Variants in NOTCH3 observed in about 807,000 individuals in gnomAD.
NOTCH3 encodes notch receptor 3.
In NOTCH3, 86 loss-of-function variants were observed where a neutral mutation model predicts 213.3. That is an observed-to-expected ratio of 0.40 (90% CI 0.34 to 0.48). The LOEUF (loss-of-function observed/expected upper bound fraction) is 0.48. Among genes scored for constraint, NOTCH3 ranks in the 20% least tolerant of loss-of-function variants. The probability of loss-of-function intolerance (pLI) is 0.57; values close to 1 mark genes in which losing one functional copy is unlikely to be tolerated. For missense variants in NOTCH3, 2,783 were observed against 3,272.6 expected, an observed-to-expected ratio of 0.85 and a Z score of 3.65; for synonymous variants, 1,354 against 1,355.9, an observed-to-expected ratio of 1.00 and a Z score of 0.03.
chr19:15,169,031 A>G (rs1676065743), intron 28 of NOTCH3, among the ~76,000 whole-genome samples: 1 of 151,828 alleles, frequency 6.6e-6, no homozygotes, highest in Admixed American at 6.6e-5. Flanking sequence ...CTCCTGCCTC[A>G]GCCTCCCAAG....
At chr19:15,180,377 A>C (rs1450563919) in intron 19 of NOTCH3, 121 bp from the exon 20 acceptor site, 3 of 1,137,740 alleles carry the variant, frequency 2.6e-6, no homozygotes, top group Non-Finnish European at 2.6e-6. Context: ...CCCACACTCC[A>C]TCAGGTTGTC....
chr19:15,175,447 T>C (rs1048952221), intron 24 of NOTCH3, among the ~76,000 whole-genome samples: 8 of 144,376 alleles, frequency 5.5e-5, no homozygotes, highest in Admixed American at 4.3e-4. Flanking sequence ...GGCAGGAGAA[T>C]AGCTTGAACC....
At chr19:15,187,476 AC>A (rs1302481169) in intron 10 of NOTCH3, 138 bp from the exon 11 acceptor site, 9 of 450,584 alleles carry the variant, frequency 2.0e-5, no homozygotes, top group African/African-American at 8.9e-5. Context: ...TACAGGCCCC[AC>A]CCCCCACCCC....
At chr19:15,188,475 TC>T in intron 8 of NOTCH3, 127 bp from the exon 9 acceptor site, 1 of 713,782 alleles carries the variant, frequency 1.4e-6, no homozygotes. Flanking sequence ...ACCTCTACAC[TC>T]CCAGCCCAAC....
rs761372852 is a variant in NOTCH3, at chr19:15,177,539, G to GCGGCCA, written c.4383_4388dup (p.Gly1462_Arg1463dup). The GCGGCCA allele has an allele frequency of 4.3e-6, 7 of 1,609,836 alleles. No homozygotes were observed. The highest frequency in any genetic ancestry group is 5.9e-6 in the Non-Finnish European group (7 of 1,178,708). The stretch of plus-strand genomic sequence containing the variant: ...GATGGGCTCACTTGCAAGTGCGCTC[G>GCGGCCA]CGGCCACCGGCGTGGCAGTCGAAGT... On this transcript the variant is annotated inframe_insertion, in exon 24 of 33. Coordinates refer to ENST00000263388, the MANE Select transcript of NOTCH3 (RefSeq NM_000435.3).
Position 15,181,265 on chromosome 19 carries a change from G to A in NOTCH3, c.2793-103C>T. On this transcript the variant is annotated intron_variant, in intron 17 of 32. Coordinates refer to ENST00000263388, the MANE Select transcript of NOTCH3 (RefSeq NM_000435.3). ...TAGCGCTGGGGACGTCCCACTCCCT[G>A]ACCCTTATCTCGGCAAGAAGCTGCA... 2.8e-6 allele frequency: 3 copies of A among 1,077,152 alleles called. No homozygotes were observed. In the South Asian group the frequency reaches 4.0e-5, roughly 15 times the overall value. The allele number at this position is 1,077,152 out of a possible 1,614,324, so 66.7% of individuals were successfully genotyped here.
chr19:15,177,922 T>C lies in NOTCH3; in HGVS notation c.4006A>G (p.Asn1336Asp). Residue 1336 changes from asparagine (N) to aspartate (D), a missense_variant, in exon 24 of 33, where the codon AAC becomes GAC. By Grantham distance (23) the Asn-to-Asp change is conservative. Coordinates refer to ENST00000263388, the MANE Select transcript of NOTCH3 (RefSeq NM_000435.3). ...CAGGGGGCGGCCGCGCAGCTGGCGT[T>C]GCTGGCCCCCGGCGGCGACCCCGGG... ...SFPGSPPGAS[N>D]ASCAAAPCLH... 1 of 1,285,418 alleles carries C rather than the reference T, an allele frequency of 7.8e-7. No individual in the cohort carries two copies. Among genetic ancestry groups the C allele is most frequent in the Non-Finnish European group, 9.8e-7 (1 of 1,019,580 alleles). 79.6% of individuals were successfully genotyped at this position (1,285,418 alleles called of 1,614,324 possible). A position where few individuals can be genotyped will look rare whatever the true frequency, so the allele number is the denominator to read the frequency against.
At chr19:15,180,639 C>T (rs1398584466) in intron 19 of NOTCH3, 42 bp downstream of exon 19, 2 of 1,540,982 alleles carry the variant, frequency 1.3e-6, no homozygotes, top group African/African-American at 1.4e-5. Flanking sequence ...GCATGAGCCC[C>T]TTCCCAAGGC....
intron 16 of NOTCH3, 79 bp downstream of exon 16, chr19:15,184,216 G>A (rs2145427425): frequency 2.2e-6 from 3 of 1,366,240 alleles, no homozygotes; most frequent in East Asian, 4.6e-5. Flanking sequence ...TGAAATGACA[G>A]CACAGTGCCA....
At position 15,177,546 on chromosome 19, in the gene NOTCH3, C is replaced by CCGGCGTGGCAGTCGAAGTTGT. The variant is rs1274294272; in HGVS notation, c.4361_4381dup (p.Asp1454_Ala1460dup). 2.5e-6 allele frequency: 4 copies of CCGGCGTGGCAGTCGAAGTTGT among 1,610,278 alleles called. No homozygotes were observed. Among genetic ancestry groups the CCGGCGTGGCAGTCGAAGTTGT allele is most frequent in the Non-Finnish European group, 3.4e-6 (4 of 1,178,926 alleles). On this transcript the variant is annotated inframe_insertion, in exon 24 of 33. Transcript: ENST00000263388. ...TCACTTGCAAGTGCGCTCGCGGCCACCGGCGTGGCAGTCGAAGTTGTCGTA... is the reference window on the plus strand; with the variant it reads ...TCACTTGCAAGTGCGCTCGCGGCCACCGGCGTGGCAGTCGAAGTTGTCGGCGTGGCAGTCGAAGTTGTCGTA...
intron 6 of NOTCH3, among the ~76,000 whole-genome samples, chr19:15,191,084 A>G (rs1187737444): frequency 6.7e-6 from 1 of 148,896 alleles, no homozygotes; most frequent in African/African-American, 2.5e-5. Flanking sequence ...CCCAGGCTAG[A>G]GTGCAGTGGT....
In NOTCH3 at chr19:15,166,002, C is replaced by T. The variant is rs2145392487; in HGVS notation, c.5452G>A (p.Ala1818Thr). The change falls in exon 30 of 33, where the codon GCT (alanine) becomes ACT (threonine). Residue 1818 changes from alanine (A) to threonine (T), a missense_variant. By Grantham distance (58) the Ala-to-Thr change is moderately conservative (BLOSUM62 0). Coordinates refer to ENST00000263388, the MANE Select transcript of NOTCH3 (RefSeq NM_000435.3). ...TEEDEADDTS[A>T]SIISDLICQG... ...CAGATCAGGTCGGAGATGATGCTAGCTGATGTGTCATCTGCCTCATCCTCT... is the reference window on the plus strand; with the variant it reads ...CAGATCAGGTCGGAGATGATGCTAGTTGATGTGTCATCTGCCTCATCCTCT... 1 of 1,614,140 alleles carries T rather than the reference C, an allele frequency of 6.2e-7. No individual in the cohort carries two copies. The highest frequency in any genetic ancestry group is 1.1e-5 in the South Asian group (1 of 91,088).
rs1039939758 is a variant in NOTCH3, at chr19:15,185,300, G to C, written c.2253C>G (p.Ser751Arg). 6.2e-7 allele frequency: 1 copy of C among 1,612,034 alleles called. No individual in the cohort carries two copies. The highest frequency in any genetic ancestry group is 8.5e-7 in the Non-Finnish European group (1 of 1,179,700). Reference sequence around the variant, plus strand: ...AGGTGCAGTGGAAACCCATTCCATCGCTGCTGCATGTCCCACCGGCCCTGC... The same window carrying C: ...AGGTGCAGTGGAAACCCATTCCATCCCTGCTGCATGTCCCACCGGCCCTGC... ...QPCRAGGTCS[S>R]DGMGFHCTCP... The change falls in exon 14 of 33, where the codon AGC becomes AGG. Residue 751 changes from serine (S) to arginine (R), a missense_variant. By Grantham distance (110) the Ser-to-Arg change is moderately radical. Transcript: ENST00000263388. This position sits in a 1 kb window ranked among gnomAD's most constrained non-coding sequence, Gnocchi z 4.2.
chr19:15,197,513 C>G lies in NOTCH3; in HGVS notation c.184G>C (p.Glu62Gln). 6.2e-7 allele frequency: 1 copy of G among 1,611,026 alleles called. No individual in the cohort carries two copies. Among genetic ancestry groups the G allele is most frequent in the Non-Finnish European group, 8.5e-7 (1 of 1,179,488 alleles). Residue 62 changes from glutamate to glutamine, a missense_variant, in exon 2 of 33, where the codon GAG (glutamate) becomes CAG (glutamine). Physicochemically the swap from Glu to Gln is conservative, Grantham distance 29 (BLOSUM62 2). Transcript: ENST00000263388. ...GGRCTQLPSR[E>Q]AACLCPPGWV... ...CCAGGCACTCACAGGCAGGCAGCCT[C>G]CCGGGAGGGCAGCTGGGTGCAACGA...
In NOTCH3 at chr19:15,167,237, A is replaced by G; in HGVS notation, c.5362+12T>C. On this transcript the variant is annotated intron_variant, in intron 29 of 32. Transcript: ENST00000263388. ...TGAGGGGCATCCCTTTGGGAGGGGC[A>G]CTGTCACTAACCTGGGCCACGCACA... is the stretch of plus-strand genomic sequence containing the variant. 1 of 1,607,608 alleles carries G rather than the reference A, an allele frequency of 6.2e-7. No homozygotes were observed. The highest frequency in any genetic ancestry group is 8.5e-7 in the Non-Finnish European group (1 of 1,174,972).
chr19:15,191,296 G>T, intron 6 of NOTCH3, 128 bp downstream of exon 6: 1 of 873,396 alleles, frequency 1.1e-6, no homozygotes, highest in South Asian at 1.4e-5. Flanking sequence ...GCCTCCCAAA[G>T]TGCTATGATT....
intron 10 of NOTCH3, 53 bp from the exon 11 acceptor site, chr19:15,187,391 A>C: frequency 6.5e-7 from 1 of 1,527,602 alleles, no homozygotes; most frequent in Admixed American, 1.7e-5. Context: ...CCTGCCCACA[A>C]GTGAGGCCTC....
rs770719865 is a variant in NOTCH3 at position 15,184,457 on chromosome 19, G to A, written c.2411-7C>T. ...TCCTGCTGGCATCGTGGGCCTGGGG[G>A]TAGGGAGCAAGGTTACACCTAGGGT... On this transcript the variant is annotated splice_polypyrimidine_tract_variant and splice_region_variant and intron_variant, in intron 15 of 32. Transcript: ENST00000263388. 2 of 1,613,574 alleles carry A rather than the reference G, an allele frequency of 1.2e-6. No homozygotes were observed. The highest frequency in any genetic ancestry group is 1.7e-5 in the Admixed American group (1 of 59,978).
In NOTCH3 at chr19:15,191,887, G is replaced by C. The variant is rs1376093491; in HGVS notation, c.680-20C>G. ...CAAACCCTAGCAGGGAAGGGGGCAA[G>C]GATGGTCACCGCCGGGCTGGCCTGC... On this transcript the variant is annotated intron_variant, in intron 4 of 32. Transcript: ENST00000263388. The C allele has an allele frequency of 6.2e-7, 1 of 1,613,918 alleles. No homozygotes were observed.
Sources: gnomAD v4.1 joint callset for allele counts (sites outside exome capture counted in the v4.1 genomes callset) on GRCh38, gnomAD v4.1.1 for gene constraint, Gnocchi (gnomAD v3.1) non-coding constraint, MANE v1.5 for transcripts, NCBI Gene and HGNC (gene_info 2026-07-23, HGNC 2026-07-21) for gene names.